Variants in XPOT observed in about 807,000 individuals in gnomAD.
XPOT encodes the protein exportin for tRNA.
XPOT carries 34 observed loss-of-function variants against 128.2 expected under a neutral mutation model. The ratio of observed to expected loss-of-function variants is 0.27; its 90% CI spans 0.20 to 0.35. The LOEUF (loss-of-function observed/expected upper bound fraction) is 0.35, where lower values mean the gene tolerates loss of function less well. Among genes scored for constraint, XPOT ranks in the 10% least tolerant of loss-of-function variants. The pLI is 1.00. For missense variants in XPOT, 838 were observed against 1,125.3 expected, an observed-to-expected ratio of 0.74 and a Z score of 3.65; for synonymous variants, 348 against 394.3, an observed-to-expected ratio of 0.88 and a Z score of 1.39.
At position 64,416,401 on chromosome 12, in the gene XPOT, A is replaced by G. The variant is rs1175242683; in HGVS notation, c.144-297A>G. 2.0e-5 allele frequency among the ~76,000 whole-genome samples: 3 copies of G among 152,196 alleles called. No individual in the cohort carries two copies. In the East Asian group the frequency reaches 5.8e-4, roughly 29 times the overall value. On this transcript the variant is annotated intron_variant, in intron 3 of 24. Transcript: ENST00000332707. ...CTGTTCCAGGAATCTTAATATCTGG[A>G]ATTTAGAGGGATGGTTTGCTGCTTA...
chr12:64,435,011 T>A (rs551032467), intron 21 of XPOT, 102 bp downstream of exon 21: 982 of 980,524 alleles, frequency 1.0e-3, no homozygotes, highest in Non-Finnish European at 1.3e-3. Flanking sequence ...ATTTTTTTTT[T>A]AACTTAGTGA....
At chr12:64,434,395 C>G (rs1055366056) in intron 19 of XPOT, 112 bp from the exon 20 acceptor site, 2 of 685,008 alleles carry the variant, frequency 2.9e-6, no homozygotes, top group African/African-American at 3.6e-5. Context: ...TTCATTTTTC[C>G]CATTCCACCT....
chr12:64,419,789 A>C (rs1282275694), intron 6 of XPOT, among the ~76,000 whole-genome samples: 1 of 152,244 alleles, frequency 6.6e-6, no homozygotes, highest in East Asian at 1.9e-4. Context: ...TAGTGTAAGT[A>C]CTATGTTACT....
At chr12:64,407,854 C>T (rs1489408992) in intron 1 of XPOT, among the ~76,000 whole-genome samples, 1 of 152,072 alleles carries the variant, frequency 6.6e-6, no homozygotes, top group Non-Finnish European at 1.5e-5. Context: ...CGTTATGAAC[C>T]ATAAGAGAAA....
chr12:64,430,452 A>C (rs936384837), intron 17 of XPOT, among the ~76,000 whole-genome samples, 165 bp downstream of exon 17: 2 of 152,224 alleles, frequency 1.3e-5, no homozygotes, highest in African/African-American at 4.8e-5. Flanking sequence ...GAAGAAGGGG[A>C]TAGGTTACAT....
At chr12:64,439,019 C>T (rs758458363) in intron 22 of XPOT, among the ~76,000 whole-genome samples, 1 of 152,120 alleles carries the variant, frequency 6.6e-6, no homozygotes, top group Admixed American at 6.5e-5. Context: ...ACATGTATAC[C>T]TATGTAACAA....
rs773851090 is a variant in XPOT at position 64,431,544 on chromosome 12, C to G, written c.1983C>G (p.Thr661=). 1.9e-5 allele frequency: 31 copies of G among 1,613,012 alleles called. 1 individual carries two copies. The South Asian group carries it at 3.3e-4, about 17-fold the overall frequency. The part of the protein sequence containing the change: ...LNHAVGFASR[T]SKAFSNKQTV... ...CTGATTTTTGCTTATATAGTCGAACCAGTAAAGCTTTCAGCAACAAACAGA... is the reference window on the plus strand; with the variant it reads ...CTGATTTTTGCTTATATAGTCGAACGAGTAAAGCTTTCAGCAACAAACAGA... The change falls in exon 18 of 25, where the codon ACC becomes ACG. Residue 661 remains threonine (T), a synonymous_variant. Transcript: ENST00000332707.
At chr12:64,408,718 G>GGCTGGAGT (rs760825917) in intron 1 of XPOT, among the ~76,000 whole-genome samples, 4 of 151,934 alleles carry the variant, frequency 2.6e-5, no homozygotes, top group African/African-American at 4.8e-5. Context: ...CTGTTCTCCA[G>GGCTGGAGT]GCTGGAGTGC....
At position 64,420,550 on chromosome 12, in the gene XPOT, G is replaced by A. The variant is rs1165932242; in HGVS notation, c.843+29G>A. ...GGTAAATTTATATAAAACATTGTAT[G>A]TAAAGTTGTTAGAACAAACTGGGAT... On this transcript the variant is annotated intron_variant, in intron 8 of 24. Coordinates refer to ENST00000332707, the MANE Select transcript of XPOT (RefSeq NM_007235.6). 20 of 1,568,596 alleles carry A rather than the reference G, an allele frequency of 1.3e-5. No individual in the cohort carries two copies. The Admixed American group carries it at 1.7e-4, about 13-fold the overall frequency.
At chr12:64,408,708 C>T (rs903619003) in intron 1 of XPOT, among the ~76,000 whole-genome samples, 1 of 151,904 alleles carries the variant, frequency 6.6e-6, no homozygotes, top group African/African-American at 2.4e-5. Context: ...GAATCTCACT[C>T]TGTTCTCCAG....
intron 15 of XPOT, among the ~76,000 whole-genome samples, chr12:64,426,487 TC>T (rs1255492258): frequency 2.6e-5 from 4 of 151,934 alleles, no homozygotes; most frequent in Non-Finnish European, 4.4e-5. Flanking sequence ...GAGAGCTAAA[TC>T]TTGGGTACAC....
Position 64,430,211 on chromosome 12 carries a change from A to G in XPOT, c.1900A>G (p.Lys634Glu), listed in dbSNP as rs780987359. The change falls in exon 17 of 25, where the codon AAG becomes GAG. Residue 634 changes from lysine (K) to glutamate (E), a missense_variant. Lys to Glu is a moderately conservative substitution (Grantham distance 56). This residue lies in a region of XPOT where 761 missense variants were observed against 988.3 expected (regional missense o/e 0.77). Transcript: ENST00000332707. ...LMEKFKILLE[K>E]LMLAQDEERQ... is the part of the protein sequence containing the mutation. ...GGAGAAGTTTAAAATTCTGTTAGAAAAGTTGATGCTGGCACAAGATGAAGA... is the reference window on the plus strand; with the variant it reads ...GGAGAAGTTTAAAATTCTGTTAGAAGAGTTGATGCTGGCACAAGATGAAGA... 8 of 1,613,228 alleles carry G rather than the reference A, an allele frequency of 5.0e-6. No homozygotes were observed. Among genetic ancestry groups the G allele is most frequent in the Non-Finnish European group, 6.8e-6 (8 of 1,179,780 alleles).
In XPOT at chr12:64,425,913, A is replaced by G. The variant is rs1339464770; in HGVS notation, c.1667+4A>G. On this transcript the variant is annotated splice_donor_region_variant and intron_variant, in intron 15 of 24. Transcript: ENST00000332707. ...CTAGATTTGTCAAATCTCTCAAGTAAGTATAAAATTGCAGCTATTATGTTT... is the reference window on the plus strand; with the variant it reads ...CTAGATTTGTCAAATCTCTCAAGTAGGTATAAAATTGCAGCTATTATGTTT... 2 of 1,612,104 alleles carry G rather than the reference A, an allele frequency of 1.2e-6. No individual in the cohort carries two copies. Among genetic ancestry groups the G allele is most frequent in the South Asian group, 2.2e-5 (2 of 91,028 alleles).
At chr12:64,423,090 T>C in intron 10 of XPOT, 47 bp downstream of exon 10, 1 of 1,605,282 alleles carries the variant, frequency 6.2e-7, no homozygotes, top group African/African-American at 1.3e-5. Context: ...ATTTTTAGTC[T>C]GTAATTTGCC....
At chr12:64,430,319 G>T in intron 17 of XPOT, 32 bp downstream of exon 17, 1 of 1,503,516 alleles carries the variant, frequency 6.7e-7, no homozygotes, top group African/African-American at 1.4e-5. Flanking sequence ...ATTATAAAGT[G>T]CATGTATCTA....
At chr12:64,434,730 C>T (rs2040268695) in intron 20 of XPOT, 64 bp from the exon 21 acceptor site, 2 of 1,563,000 alleles carry the variant, frequency 1.3e-6, no homozygotes, top group Non-Finnish European at 8.8e-7. Flanking sequence ...AGTTGGTTTT[C>T]CCTGGTGATG....
intron 16 of XPOT, among the ~76,000 whole-genome samples, chr12:64,429,031 G>A (rs531887337): frequency 1.5e-4 from 23 of 152,266 alleles, no homozygotes; most frequent in African/African-American, 4.8e-4. Flanking sequence ...GATAAAAAAC[G>A]GCAATGGGTC....
At chr12:64,409,485 C>T (rs1292990247) in intron 1 of XPOT, among the ~76,000 whole-genome samples, 1 of 152,168 alleles carries the variant, frequency 6.6e-6, no homozygotes, top group African/African-American at 2.4e-5. Context: ...CCTGTAATCC[C>T]AGCACTTTGG....
At chr12:64,420,990 C>T (rs1456273917) in intron 8 of XPOT, among the ~76,000 whole-genome samples, 3 of 152,044 alleles carry the variant, frequency 2.0e-5, no homozygotes, top group South Asian at 2.1e-4. Context: ...TTGGTAGAGA[C>T]GGGGTTTCAC....
Sources: gnomAD v4.1 joint callset for allele counts (sites outside exome capture counted in the v4.1 genomes callset) on GRCh38, gnomAD v4.1.1 for gene constraint, gnomAD v4.1.1 regional missense constraint, MANE v1.5 for transcripts, NCBI Gene and HGNC (gene_info 2026-07-23, HGNC 2026-07-21) for gene names.